KLC1: variants seen among roughly 807,000 people sequenced by gnomAD.
KLC1 encodes the protein kinesin light chain 1, also known as kinesin 2 60/70kDa.
Under a neutral mutation model 84.2 loss-of-function variants are expected in KLC1, and 30 were observed. That is an observed-to-expected ratio of 0.36 (90% CI 0.27 to 0.48). KLC1 has a LOEUF of 0.48. KLC1 is among the 20% of genes least tolerant of loss of function. The pLI is 0.99. For missense variants in KLC1, 499 were observed against 805.4 expected (o/e 0.62, Z 4.60); for synonymous variants, 289 against 293.3 (o/e 0.99, Z 0.15).
chr14:103,685,947 T>G, intron 13 of KLC1: 8 of 1,122,708 alleles, frequency 7.1e-6, no homozygotes, highest in Non-Finnish European at 8.8e-6. Flanking sequence ...TGGTAACAGG[T>G]AGTTAAGTGT....
chr14:103,691,208 G>T (rs2082091643), intron 14 of KLC1, among the ~76,000 whole-genome samples: 1 of 150,176 alleles, frequency 6.7e-6, no homozygotes, highest in Non-Finnish European at 1.5e-5. Context: ...GCCCAGGCTG[G>T]ACTACAGTGG....
At chr14:103,635,677 C>T (rs534829933) in intron 1 of KLC1, among the ~76,000 whole-genome samples, 30 of 152,074 alleles carry the variant, frequency 2.0e-4, no homozygotes, top group Non-Finnish European at 3.7e-4. Flanking sequence ...TCACTTGAAC[C>T]CGGGAGGCGG....
chr14:103,629,406 C>T lies in KLC1; in HGVS notation c.-90C>T, dbSNP rs964220414. 1.3e-5 allele frequency: 2 copies of T among 152,152 alleles called. No homozygotes were observed. Among genetic ancestry groups the T allele is most frequent in the Admixed American group, 6.5e-5 (1 of 15,274 alleles). The allele number at this position is 152,152 out of a possible 1,614,324, so 9.4% of individuals were successfully genotyped here. A position where few individuals can be genotyped will look rare whatever the true frequency, so the allele number is the denominator to read the frequency against. On this transcript the variant is annotated 5_prime_UTR_variant, in exon 1 of 17. Coordinates refer to ENST00000334553, the MANE Select transcript of KLC1 (RefSeq NM_001394837.1). The stretch of plus-strand genomic sequence containing the variant: ...CCGTGCCTCACACAGCCGAGGCGGG[C>T]TCGGCGCACAGTCGCTGCTCCGCGC...
chr14:103,661,037 A>C (rs536061765), intron 3 of KLC1, among the ~76,000 whole-genome samples: 10 of 152,276 alleles, frequency 6.6e-5, no homozygotes, highest in Admixed American at 1.3e-4. Context: ...TTTCCAGAGT[A>C]CTTACGAGTG....
chr14:103,632,831 C>T (rs1271853506), intron 1 of KLC1, among the ~76,000 whole-genome samples: 2 of 151,984 alleles, frequency 1.3e-5, no homozygotes. Context: ...ACTGAGGAGG[C>T]GATTCTTCAC....
intron 13 of KLC1, chr14:103,685,961 A>T (rs976198075): frequency 7.2e-5 from 81 of 1,120,784 alleles, no homozygotes; most frequent in Non-Finnish European, 8.6e-5. Flanking sequence ...TAAGTGTCAC[A>T]CAAGGTGTTG....
chr14:103,667,423 A>C (rs2079960665), intron 5 of KLC1, among the ~76,000 whole-genome samples: 1 of 148,894 alleles, frequency 6.7e-6, no homozygotes, highest in African/African-American at 2.5e-5. Flanking sequence ...GCTTATTTTT[A>C]AATTGCATTT....
intron 3 of KLC1, among the ~76,000 whole-genome samples, chr14:103,659,513 A>G (rs1418617114): frequency 6.6e-6 from 1 of 152,230 alleles, no homozygotes; most frequent in African/African-American, 2.4e-5. Context: ...ACTGAAACAC[A>G]GACTTGGTTG....
chr14:103,690,130 A>G (rs893509473), intron 14 of KLC1, among the ~76,000 whole-genome samples: 5 of 152,198 alleles, frequency 3.3e-5, no homozygotes, highest in South Asian at 2.1e-4. Flanking sequence ...GCAGTGAGCC[A>G]AGATCACACC....
At chr14:103,675,225 T>C (rs1454829861) in intron 9 of KLC1, among the ~76,000 whole-genome samples, 2 of 152,066 alleles carry the variant, frequency 1.3e-5, no homozygotes, top group Admixed American at 6.5e-5. Context: ...CTTGAGAGGC[T>C]GAGGCAGGAG....
intron 9 of KLC1, among the ~76,000 whole-genome samples, chr14:103,674,906 G>A (rs960034721): frequency 4.6e-5 from 7 of 152,136 alleles, no homozygotes. Context: ...CCTGTCTCAG[G>A]ACATTGATTC....
intron 1 of KLC1, among the ~76,000 whole-genome samples, chr14:103,640,930 ATTTTT>A (rs956048663): frequency 6.7e-6 from 1 of 148,702 alleles, no homozygotes; most frequent in African/African-American, 2.5e-5. Flanking sequence ...TATTACTATT[ATTTTT>A]TTTTTCTTTT....
chr14:103,669,386 A>G (rs1223178713), intron 5 of KLC1, 125 bp from the exon 6 acceptor site: 1 of 557,246 alleles, frequency 1.8e-6, no homozygotes. Context: ...GTGAGCCAAG[A>G]TGGCACCACT....
chr14:103,649,025 T>C (rs2078175952), intron 1 of KLC1, among the ~76,000 whole-genome samples: 1 of 151,966 alleles, frequency 6.6e-6, no homozygotes, highest in African/African-American at 2.4e-5. Context: ...TAGTCCCAGC[T>C]ACTTGGGAGG....
At chr14:103,674,275 C>T (rs1232820103) in intron 9 of KLC1, among the ~76,000 whole-genome samples, 1 of 152,126 alleles carries the variant, frequency 6.6e-6, no homozygotes, top group Non-Finnish European at 1.5e-5. Context: ...GTGTGAGTAC[C>T]TTTCAGTCAT....
intron 5 of KLC1, among the ~76,000 whole-genome samples, chr14:103,666,164 C>A (rs531676367): frequency 9.9e-5 from 15 of 151,594 alleles, no homozygotes; most frequent in African/African-American, 3.4e-4. Context: ...CCCGGGTTCA[C>A]GCCATTCTCC....
At chr14:103,695,726 CT>C (rs2082414315) in intron 15 of KLC1, 2 of 985,438 alleles carry the variant, frequency 2.0e-6, no homozygotes, top group South Asian at 9.4e-5. Flanking sequence ...CCTGCTGTGG[CT>C]TCCAGCCATG....
At chr14:103,630,780 G>A (rs2076612440) in intron 1 of KLC1, among the ~76,000 whole-genome samples, 1 of 152,208 alleles carries the variant, frequency 6.6e-6, no homozygotes, top group Admixed American at 6.5e-5. Flanking sequence ...CAACTTGTAT[G>A]GAATTCTGTG....
chr14:103,669,826 T>C (rs2080226392), intron 6 of KLC1, among the ~76,000 whole-genome samples: 2 of 152,236 alleles, frequency 1.3e-5, no homozygotes, highest in Admixed American at 1.3e-4. Flanking sequence ...ATTGTTTGAT[T>C]GTAAATCAAA....
Sources: allele counts gnomAD v4.1 joint callset (sites outside exome capture counted in the v4.1 genomes callset), GRCh38; gene constraint gnomAD v4.1.1; transcripts MANE v1.5; gene names NCBI Gene and HGNC (gene_info 2026-07-23, HGNC 2026-07-21).